LARP4: variants seen among roughly 807,000 people sequenced by gnomAD.
LARP4 encodes la-related protein 4.
In LARP4, 29 loss-of-function variants were observed where a neutral mutation model predicts 92.9. That is an observed-to-expected ratio of 0.31 (90% CI 0.23 to 0.43). The LOEUF is 0.43. Ranked by LOEUF, LARP4 falls within the 20% of genes least tolerant of loss-of-function variation. LARP4 has a pLI of 1.00. For synonymous variants in LARP4, 279 were observed against 284.1 expected, an observed-to-expected ratio of 0.98 and a Z score of 0.18; for missense variants, 732 against 860.0, an observed-to-expected ratio of 0.85 and a Z score of 1.86.
chr12:50,430,858 C>T (rs1010027813), intron 4 of LARP4, among the ~76,000 whole-genome samples: 3 of 151,748 alleles, frequency 2.0e-5, no homozygotes, highest in Non-Finnish European at 4.4e-5. Flanking sequence ...GACAGGGTTT[C>T]ACCATGTTGG....
chr12:50,414,373 G>A (rs1359580145), intron 1 of LARP4, among the ~76,000 whole-genome samples: 1 of 152,094 alleles, frequency 6.6e-6, no homozygotes, highest in African/African-American at 2.4e-5. Context: ...GCATGATCTT[G>A]GCTTACTGCA....
At chr12:50,427,707 G>C (rs1949007111) in intron 1 of LARP4, 55 bp from the exon 2 acceptor site, 1 of 1,221,746 alleles carries the variant, frequency 8.2e-7, no homozygotes, top group Admixed American at 2.4e-5. Context: ...ATCTGAATCT[G>C]TAATTTTCAT....
Position 50,435,478 on chromosome 12 carries a change from G to A in LARP4, c.399-10G>A. The A allele has an allele frequency of 9.7e-6, 3 of 310,360 alleles. No homozygotes were observed. Among genetic ancestry groups the A allele is most frequent in the Non-Finnish European group, 1.1e-5 (2 of 189,254 alleles). The allele number at this position is 310,360 out of a possible 1,614,324, so 19.2% of individuals were successfully genotyped here. ...ATTGCTTGTTTTATAGGACTATTTTGTTTTTTCAGAGAAAATTTGTCAAAG... is the reference window on the plus strand; with the variant it reads ...ATTGCTTGTTTTATAGGACTATTTTATTTTTTCAGAGAAAATTTGTCAAAG... On this transcript the variant is annotated splice_polypyrimidine_tract_variant and intron_variant, in intron 4 of 15. Transcript: ENST00000398473.
intron 3 of LARP4, among the ~76,000 whole-genome samples, chr12:50,429,567 A>C (rs746359804): frequency 2.0e-4 from 31 of 152,142 alleles, no homozygotes; most frequent in African/African-American, 7.2e-4. Context: ...TTGTGTGTCT[A>C]TATATAAACA....
chr12:50,438,112 A>G (rs1434441643), intron 6 of LARP4, among the ~76,000 whole-genome samples: 2 of 152,198 alleles, frequency 1.3e-5, no homozygotes, highest in African/African-American at 4.8e-5. Context: ...TACTAGATTG[A>G]TTCAATGGCA....
At chr12:50,401,337 A>C in intron 1 of LARP4, 1 of 346,802 alleles carries the variant, frequency 2.9e-6, no homozygotes, top group Non-Finnish European at 5.4e-6. Context: ...AGGAGGCAGC[A>C]TTGGGGGGTT....
In LARP4 at chr12:50,463,418, TCCAAAAAAAAAAA is replaced by T. The variant is rs1228582743; in HGVS notation, c.1383+789_1383+801del. On this transcript the variant is annotated intron_variant, in intron 12 of 15. Transcript: ENST00000398473. Reference sequence around the variant, plus strand: ...GGGCAAGGTGATGAAACCCCATCTCTCCAAAAAAAAAAAAAAAAAAAAAAAAAAAATTAGCCAG... The same window carrying T: ...GGGCAAGGTGATGAAACCCCATCTCTAAAAAAAAAAAAAAAAATTAGCCAG... 1.6e-3 allele frequency among the ~76,000 whole-genome samples: 53 copies of T among 32,218 alleles called. 2 individuals are homozygous for T. Among genetic ancestry groups the T allele is most frequent in the South Asian group, 0.011 (8 of 706 alleles). The allele number at this position is 32,218 out of a possible 152,430, so 21.1% of individuals were successfully genotyped here.
intron 1 of LARP4, among the ~76,000 whole-genome samples, chr12:50,421,944 AAG>A (rs1263982039): frequency 1.3e-5 from 2 of 151,838 alleles, no homozygotes; most frequent in Admixed American, 6.6e-5. Context: ...TAATCTATAA[AAG>A]AGATATTAAT....
intron 13 of LARP4, among the ~76,000 whole-genome samples, chr12:50,467,562 C>G (rs1956312545): frequency 6.6e-6 from 1 of 152,180 alleles, no homozygotes; most frequent in African/African-American, 2.4e-5. Flanking sequence ...CTTGGCCTCC[C>G]AAAGTGCTGG....
chr12:50,456,920 ATT>A (rs35641350), intron 10 of LARP4, among the ~76,000 whole-genome samples: 107,652 of 151,414 alleles, frequency 0.71, 44,275 homozygotes, highest in Non-Finnish European at 0.93. Context: ...GGTAATATAA[ATT>A]TTTTTTTTTG....
At chr12:50,469,327 A>G (rs896360541) in intron 13 of LARP4, among the ~76,000 whole-genome samples, 1 of 152,114 alleles carries the variant, frequency 6.6e-6, no homozygotes, top group Non-Finnish European at 1.5e-5. Context: ...AATGTAGGCC[A>G]GGTGCGGTGG....
chr12:50,464,812 T>C (rs1955925790), intron 12 of LARP4, among the ~76,000 whole-genome samples: 1 of 151,778 alleles, frequency 6.6e-6, no homozygotes, highest in Admixed American at 6.6e-5. Context: ...TGCCTCAGTC[T>C]CCCAAGTAGC....
intron 13 of LARP4, among the ~76,000 whole-genome samples, chr12:50,472,261 C>T (rs1183823594): frequency 1.3e-5 from 2 of 152,158 alleles, no homozygotes; most frequent in African/African-American, 4.8e-5. Flanking sequence ...CATGGTTGTG[C>T]ACCTAAGCTC....
intron 3 of LARP4, 142 bp downstream of exon 3, chr12:50,429,232 A>G: frequency 1.6e-6 from 1 of 610,022 alleles, no homozygotes; most frequent in South Asian, 2.1e-5. Flanking sequence ...ATGTTAGTTG[A>G]TTGTTACATT....
chr12:50,442,991 A>T (rs1951458794), intron 8 of LARP4, among the ~76,000 whole-genome samples: 1 of 152,072 alleles, frequency 6.6e-6, no homozygotes, highest in East Asian at 1.9e-4. Context: ...CCCTGCTTTG[A>T]GGCTTTTATA....
At chr12:50,448,105 T>C (rs1348853626) in intron 8 of LARP4, among the ~76,000 whole-genome samples, 2 of 152,130 alleles carry the variant, frequency 1.3e-5, no homozygotes, top group Non-Finnish European at 2.9e-5. Context: ...GACCTTGTGA[T>C]CCACGCGCCT....
chr12:50,465,550 G>T (rs1956050012), intron 12 of LARP4, among the ~76,000 whole-genome samples: 1 of 152,230 alleles, frequency 6.6e-6, no homozygotes, highest in Admixed American at 6.6e-5. Context: ...TTTTGGATTT[G>T]TAAGCCTTCA....
At chr12:50,458,404 A>G (rs1954734314) in intron 10 of LARP4, among the ~76,000 whole-genome samples, 1 of 152,136 alleles carries the variant, frequency 6.6e-6, no homozygotes, top group Non-Finnish European at 1.5e-5. Context: ...TGCTGGGATT[A>G]CAGGTGTGAG....
chr12:50,448,553 G>A (rs192250714), intron 8 of LARP4, among the ~76,000 whole-genome samples: 112 of 151,990 alleles, frequency 7.4e-4, no homozygotes, highest in Middle Eastern at 3.4e-3. Context: ...TTGAGACTGC[G>A]TCTTGCTCTT....
Sources: allele counts gnomAD v4.1 joint callset (sites outside exome capture counted in the v4.1 genomes callset), GRCh38; gene constraint gnomAD v4.1.1; transcripts MANE v1.5; gene names NCBI Gene and HGNC (gene_info 2026-07-23, HGNC 2026-07-21).